The following FAM186B variants were observed in gnomAD, a reference collection of about 807,000 sequenced individuals.
FAM186B encodes family with sequence similarity 186 member B, also known as protein FAM186B.
FAM186B carries 68 observed loss-of-function variants against 83.4 expected under a neutral mutation model. That is an observed-to-expected ratio of 0.81 (90% CI 0.67 to 1.00). The LOEUF (loss-of-function observed/expected upper bound fraction) is 1.00. Among genes scored for constraint, FAM186B ranks in the 50% least tolerant of loss-of-function variants. The pLI, the probability that FAM186B is intolerant of heterozygous loss-of-function variation, is 0.00. For synonymous variants in FAM186B, 389 were observed against 422.0 expected (o/e 0.92, Z 0.96); for missense variants, 983 against 1,099.2 (o/e 0.89, Z 1.49).
chr12:49,614,905 C>T, the FAM186B span, among the ~76,000 whole-genome samples: 1 of 151,884 alleles, frequency 6.6e-6, no homozygotes, highest in Non-Finnish European at 1.5e-5. Flanking sequence ...CTGAGGTGGG[C>T]GGATCACGAG....
At chr12:49,601,215 C>G in intron 3 of FAM186B, 81 bp from the exon 4 acceptor site, 3 of 1,485,780 alleles carry the variant, frequency 2.0e-6, no homozygotes, top group Non-Finnish European at 2.7e-6. Flanking sequence ...CCTGCAGGGC[C>G]AAAATGGCAA....
downstream of FAM186B, chr12:49,587,465 CCTCT>C: frequency 8.3e-7 from 1 of 1,204,026 alleles, no homozygotes; most frequent in Non-Finnish European, 1.2e-6. Context: ...ACCAGGTTAG[CCTCT>C]CTCTATCTGG....
chr12:49,595,568 G>A, intron 5 of FAM186B: 1 of 442,778 alleles, frequency 2.3e-6, no homozygotes, highest in Non-Finnish European at 4.6e-6. Flanking sequence ...GAAAAGGACG[G>A]CCTGAAATTC....
upstream of FAM186B, among the ~76,000 whole-genome samples, chr12:49,610,355 A>G (rs534732056): frequency 9.2e-5 from 14 of 152,360 alleles, no homozygotes; most frequent in African/African-American, 3.4e-4. Flanking sequence ...AATGACAGAT[A>G]AAGAATTCAA....
In FAM186B at chr12:49,600,639, A is replaced by G; in HGVS notation, c.1001T>C (p.Val334Ala). The G allele has an allele frequency of 1.2e-6, 2 of 1,613,378 alleles. No homozygotes were observed. Among genetic ancestry groups the G allele is most frequent in the Non-Finnish European group, 1.7e-6 (2 of 1,179,668 alleles). The part of the protein sequence containing the change: ...ATGQAEDLAE[V>A]SVDSPGPSER... ...AGAGGGACCTGGGGAGTCAACAGAAACCTCAGCCAGGTCTTCTGCCTGACC... is the reference window on the plus strand; with the variant it reads ...AGAGGGACCTGGGGAGTCAACAGAAGCCTCAGCCAGGTCTTCTGCCTGACC... Residue 334 changes from valine to alanine, a missense_variant, in exon 4 of 7, where the codon GTT becomes GCT. Transcript: ENST00000257894. The surrounding 1 kb of genome is among the most constrained non-coding windows in gnomAD (Gnocchi z 4.3).
upstream of FAM186B, among the ~76,000 whole-genome samples, chr12:49,606,085 C>A (rs909910546): frequency 6.6e-6 from 1 of 151,864 alleles, no homozygotes; most frequent in Non-Finnish European, 1.5e-5. Flanking sequence ...TTAAAAATTA[C>A]TAAATGTTAT....
chr12:49,594,374 G>A (rs549264937), intron 5 of FAM186B: 1 of 156,254 alleles, frequency 6.4e-6, no homozygotes, highest in East Asian at 1.9e-4. Flanking sequence ...TATCCTTGGG[G>A]GATACATTTC....
chr12:49,613,870 C>T, the FAM186B span, among the ~76,000 whole-genome samples: 13 of 151,270 alleles, frequency 8.6e-5, no homozygotes, highest in East Asian at 3.9e-4. Context: ...AAGAACTGGC[C>T]GGGCGCGGTG....
downstream of FAM186B, among the ~76,000 whole-genome samples, chr12:49,585,892 C>CCCTGAGGTAGCAG (rs1300471170): frequency 6.6e-6 from 1 of 152,234 alleles, no homozygotes; most frequent in East Asian, 1.9e-4. Flanking sequence ...ACGGCCACCA[C>CCCTGAGGTAGCAG]CCTGAGGTAG....
At chr12:49,615,435 G>A in the FAM186B span, among the ~76,000 whole-genome samples, 1 of 152,188 alleles carries the variant, frequency 6.6e-6, no homozygotes, top group Non-Finnish European at 1.5e-5. Flanking sequence ...TAGATAAAGA[G>A]CTACTACAAC....
In FAM186B at chr12:49,600,400, C is replaced by T. The variant is rs1467510687; in HGVS notation, c.1240G>A (p.Glu414Lys). ...TCTACTAAGGGTAAAAGCACAGGCT[C>T]AAGGCTCTCAGTGTCCTTGCTGCCG... ...VFGSKDTESLEPVLLPLVDRR... is the reference protein window; with the variant it reads ...VFGSKDTESLKPVLLPLVDRR... The change falls in exon 4 of 7, where the codon GAG becomes AAG. Residue 414 changes from glutamate to lysine, a missense_variant. Transcript: ENST00000257894. This position sits in a 1 kb window ranked among gnomAD's most constrained non-coding sequence, Gnocchi z 4.3. 2 of 1,614,092 alleles carry T rather than the reference C, an allele frequency of 1.2e-6. No individual in the cohort carries two copies. Among genetic ancestry groups the T allele is most frequent in the Non-Finnish European group, 1.7e-6 (2 of 1,179,980 alleles).
intron 5 of FAM186B, among the ~76,000 whole-genome samples, chr12:49,594,569 C>G (rs1565807003): frequency 6.6e-6 from 1 of 152,194 alleles, no homozygotes; most frequent in Non-Finnish European, 1.5e-5. Flanking sequence ...TGGTTGGTCT[C>G]TTGCTCTCAA....
chr12:49,598,973 G>A (rs748076480), intron 4 of FAM186B, 26 bp from the exon 5 acceptor site: 1 of 1,611,198 alleles, frequency 6.2e-7, no homozygotes, highest in Non-Finnish European at 8.5e-7. Flanking sequence ...AAGCAATTTA[G>A]GGGGTGGAGA....
At chr12:49,604,996 C>T (rs1939979668) in intron 1 of FAM186B, among the ~76,000 whole-genome samples, 1 of 152,094 alleles carries the variant, frequency 6.6e-6, no homozygotes, top group Non-Finnish European at 1.5e-5. Flanking sequence ...GTGATTTGAG[C>T]CTTTGGACAT....
intron 4 of FAM186B, 45 bp from the exon 5 acceptor site, chr12:49,598,992 C>T (rs769138157): frequency 3.8e-6 from 6 of 1,580,430 alleles, no homozygotes; most frequent in Non-Finnish European, 4.3e-6. Context: ...GAGGCCTCCT[C>T]TATCCCCCAA....
chr12:49,605,435 C>T lies in FAM186B; in HGVS notation c.43G>A (p.Val15Met). The change falls in exon 1 of 7, where the codon GTG (valine) becomes ATG (methionine). Residue 15 changes from valine to methionine, a missense_variant. Physicochemically the swap from Val to Met is conservative, Grantham distance 21. Transcript: ENST00000257894. Reference protein sequence around the residue: ...DPPQLVTPTSVKAIILRIEAA... With the variant: ...DPPQLVTPTSMKAIILRIEAA... ...TCAATCCTCAGGATGATGGCTTTCA[C>T]TGATGTGGGAGTCACCAACTGTGGG... 6.2e-7 allele frequency: 1 copy of T among 1,613,936 alleles called. No homozygotes were observed. Among genetic ancestry groups the T allele is most frequent in the Non-Finnish European group, 8.5e-7 (1 of 1,179,950 alleles).
At chr12:49,612,366 A>C in the FAM186B span, among the ~76,000 whole-genome samples, 1 of 136,322 alleles carries the variant, frequency 7.3e-6, no homozygotes, top group Non-Finnish European at 1.5e-5. Flanking sequence ...AATCCAACAA[A>C]GTTTTTTTTT....
In FAM186B at chr12:49,587,760, TG is replaced by T; in HGVS notation, c.2535-9del. 1.2e-6 allele frequency: 2 copies of T among 1,608,114 alleles called. No individual in the cohort carries two copies. The highest frequency in any genetic ancestry group is 1.7e-6 in the Non-Finnish European group (2 of 1,177,502). On this transcript the variant is annotated splice_polypyrimidine_tract_variant and intron_variant, in intron 6 of 6. Coordinates refer to ENST00000257894, the MANE Select transcript of FAM186B (RefSeq NM_032130.3). ...ATCTGCTTCCCCTGTTGGCTGGGAG[TG>T]GGGAGTTTGGAGAATGTGAAAAGCA...
In FAM186B at chr12:49,600,220, C is replaced by T. The variant is rs745823010; in HGVS notation, c.1420G>A (p.Glu474Lys). 2 of 1,612,606 alleles carry T rather than the reference C, an allele frequency of 1.2e-6. No individual in the cohort carries two copies. Among genetic ancestry groups the T allele is most frequent in the Non-Finnish European group, 1.7e-6 (2 of 1,178,968 alleles). Residue 474 changes from glutamate to lysine, a missense_variant, in exon 4 of 7, where the codon GAG becomes AAG. Glu to Lys is a moderately conservative substitution (Grantham distance 56). Coordinates refer to ENST00000257894, the MANE Select transcript of FAM186B (RefSeq NM_032130.3). The surrounding 1 kb of genome is among the most constrained non-coding windows in gnomAD (Gnocchi z 4.3). Reference protein sequence around the residue: ...SLESSRQVTSESQEEPWEEEF... With the variant: ...SLESSRQVTSKSQEEPWEEEF... The stretch of plus-strand genomic sequence containing the variant: ...TCCTCCCAGGGCTCCTCTTGGCTCT[C>T]AGAGGTCACCTGCCTGGAGCTCTCT...
Sources: gnomAD v4.1 joint callset for allele counts (sites outside exome capture counted in the v4.1 genomes callset) on GRCh38, gnomAD v4.1.1 for gene constraint, Gnocchi (gnomAD v3.1) non-coding constraint, MANE v1.5 for transcripts, NCBI Gene and HGNC (gene_info 2026-07-23, HGNC 2026-07-21) for gene names.